Variants in SMYD3 observed in about 807,000 individuals in gnomAD.
SMYD3 encodes histone-lysine N-methyltransferase SMYD3.
Under a neutral mutation model 57.7 loss-of-function variants are expected in SMYD3, and 36 were observed. That is an observed-to-expected ratio of 0.62 (90% CI 0.48 to 0.82). The LOEUF (loss-of-function observed/expected upper bound fraction) is 0.82. SMYD3 is among the 40% of genes least tolerant of loss of function. The pLI is 0.00. For synonymous variants in SMYD3, 211 were observed against 195.0 expected, an observed-to-expected ratio of 1.08 and a Z score of -0.68; for missense variants, 515 against 538.8, an observed-to-expected ratio of 0.96 and a Z score of 0.44.
chr1:245,998,942 T>C (rs1304383557), intron 5 of SMYD3, among the ~76,000 whole-genome samples: 2 of 151,092 alleles, frequency 1.3e-5, no homozygotes, highest in South Asian at 2.1e-4. Flanking sequence ...GTTCTGAGAG[T>C]AGTCAAACTC....
At chr1:246,207,002 G>A (rs925694602) in intron 5 of SMYD3, among the ~76,000 whole-genome samples, 1 of 152,138 alleles carries the variant, frequency 6.6e-6, no homozygotes, top group South Asian at 2.1e-4. Context: ...ACACAGTTGA[G>A]TTCCCTAAAC....
intron 10 of SMYD3, among the ~76,000 whole-genome samples, chr1:245,833,022 A>G (rs2049923245): frequency 6.8e-6 from 1 of 147,020 alleles, no homozygotes; most frequent in Admixed American, 6.9e-5. Flanking sequence ...ACATTTGGCA[A>G]TCTCTGTTGC....
At chr1:246,464,410 G>A (rs2067852668) in intron 1 of SMYD3, among the ~76,000 whole-genome samples, 1 of 152,180 alleles carries the variant, frequency 6.6e-6, no homozygotes. Flanking sequence ...CCAGCTACTC[G>A]GGAGGCTGAG....
intron 5 of SMYD3, among the ~76,000 whole-genome samples, chr1:246,293,982 C>T (rs1230864086): frequency 6.6e-6 from 1 of 152,100 alleles, no homozygotes; most frequent in Non-Finnish European, 1.5e-5. Context: ...CCATGAAGTG[C>T]TTTTTCTCCC....
At chr1:246,372,636 G>A (rs190515916) in intron 1 of SMYD3, among the ~76,000 whole-genome samples, 460 of 152,258 alleles carry the variant, frequency 3.0e-3, no homozygotes, top group Non-Finnish European at 5.2e-3. Context: ...TTTGGGTGGC[G>A]GAAGTGGGTG....
intron 10 of SMYD3, among the ~76,000 whole-genome samples, chr1:245,792,614 CATG>C (rs1422986656): frequency 1.3e-5 from 2 of 152,166 alleles, no homozygotes; most frequent in Non-Finnish European, 2.9e-5. Context: ...TTGGGGGTGT[CATG>C]ATAATGGGGA....
At chr1:245,968,744 T>C (rs1487863217) in intron 5 of SMYD3, among the ~76,000 whole-genome samples, 1 of 152,208 alleles carries the variant, frequency 6.6e-6, no homozygotes, top group Non-Finnish European at 1.5e-5. Context: ...GTGTGGACTG[T>C]AGACACAAAC....
At chr1:246,442,112 T>C (rs562709100) in intron 1 of SMYD3, among the ~76,000 whole-genome samples, 2 of 152,324 alleles carry the variant, frequency 1.3e-5, no homozygotes, top group Admixed American at 1.3e-4. Flanking sequence ...AGTGCTACAA[T>C]GTGTAAGCGC....
chr1:245,914,524 G>T (rs2055251815), intron 8 of SMYD3, among the ~76,000 whole-genome samples: 1 of 152,188 alleles, frequency 6.6e-6, no homozygotes, highest in South Asian at 2.1e-4. Context: ...GGTGCAGAAA[G>T]ATAAAATACT....
intron 5 of SMYD3, among the ~76,000 whole-genome samples, chr1:246,183,001 CTTA>C (rs2062578375): frequency 6.6e-6 from 1 of 152,162 alleles, no homozygotes; most frequent in African/African-American, 2.4e-5. Flanking sequence ...TCTCCACACC[CTTA>C]TTTTTAGCAG....
At chr1:246,305,272 A>T (rs188819843) in intron 5 of SMYD3, among the ~76,000 whole-genome samples, 8 of 152,354 alleles carry the variant, frequency 5.3e-5, no homozygotes, top group Admixed American at 3.3e-4. Flanking sequence ...AAGAAGATAC[A>T]GAATCGCTTC....
intron 1 of SMYD3, among the ~76,000 whole-genome samples, chr1:246,413,408 A>G (rs1028188383): frequency 6.6e-6 from 1 of 152,202 alleles, no homozygotes; most frequent in Non-Finnish European, 1.5e-5. Flanking sequence ...TTTTATCAGT[A>G]AAGATTACTG....
At chr1:246,103,499 C>G (rs2061057207) in intron 5 of SMYD3, among the ~76,000 whole-genome samples, 1 of 151,970 alleles carries the variant, frequency 6.6e-6, no homozygotes, top group African/African-American at 2.4e-5. Context: ...CCAAACCCCA[C>G]TCATTCACTT....
intron 5 of SMYD3, among the ~76,000 whole-genome samples, chr1:246,097,725 T>C (rs2060940802): frequency 6.6e-6 from 1 of 152,006 alleles, no homozygotes; most frequent in African/African-American, 2.4e-5. Flanking sequence ...CAGACTTGGA[T>C]ATCTACCTGC....
intron 1 of SMYD3, among the ~76,000 whole-genome samples, chr1:246,434,871 C>T (rs1296386461): frequency 6.6e-6 from 1 of 152,070 alleles, no homozygotes; most frequent in African/African-American, 2.4e-5. Context: ...GCACTACTCA[C>T]AATAGCAAAA....
At chr1:245,995,012 C>A (rs1406589513) in intron 5 of SMYD3, among the ~76,000 whole-genome samples, 1 of 152,024 alleles carries the variant, frequency 6.6e-6, no homozygotes, top group Non-Finnish European at 1.5e-5. Flanking sequence ...GTAGTCCAAG[C>A]TACCCGGGAG....
At chr1:246,271,632 T>C (rs1305336506) in intron 5 of SMYD3, among the ~76,000 whole-genome samples, 2 of 152,236 alleles carry the variant, frequency 1.3e-5, no homozygotes, top group African/African-American at 4.8e-5. Context: ...ACTTCTGGAC[T>C]TTCCCGTTGA....
intron 2 of SMYD3, among the ~76,000 whole-genome samples, chr1:246,340,007 A>C (rs1181023636): frequency 6.9e-6 from 1 of 145,240 alleles, no homozygotes; most frequent in African/African-American, 2.9e-5. Context: ...TAGCAGCACA[A>C]AAACAGATCA....
rs559638105 is a variant in SMYD3, at chr1:246,400,051, TTC to T, written c.165-44959_165-44958del. Among the ~76,000 whole-genome samples, 7 of 152,328 alleles carry T rather than the reference TTC, an allele frequency of 4.6e-5. No homozygotes were observed. The East Asian group carries it at 9.6e-4, about 21-fold the overall frequency. On this transcript the variant is annotated intron_variant, in intron 1 of 11. Transcript: ENST00000490107. The stretch of plus-strand genomic sequence containing the variant: ...ATTTTCATCTTTCTCTGTTTCATCT[TTC>T]TCTGTTTTCCCAAAAGAAAAAAAAA...
Sources: gnomAD v4.1 joint callset for allele counts (sites outside exome capture counted in the v4.1 genomes callset) on GRCh38, gnomAD v4.1.1 for gene constraint, MANE v1.5 for transcripts, NCBI Gene and HGNC (gene_info 2026-07-23, HGNC 2026-07-21) for gene names.